The following ST8SIA2 variants were observed in gnomAD, a reference collection of about 807,000 sequenced individuals.
The protein encoded by ST8SIA2 is ST8 alpha-N-acetyl-neuraminide alpha-2,8-sialyltransferase 2, also known as alpha-2,8-sialyltransferase 8B.
A neutral mutation model predicts 37.6 loss-of-function variants in ST8SIA2; 22 were observed. That is an observed-to-expected ratio of 0.58 (90% CI 0.42 to 0.83). The LOEUF (loss-of-function observed/expected upper bound fraction) is 0.83. Among genes scored for constraint, ST8SIA2 ranks in the 40% least tolerant of loss-of-function variants. The probability of loss-of-function intolerance (pLI) is 0.00; values close to 1 mark genes in which losing one functional copy is unlikely to be tolerated. For synonymous variants in ST8SIA2, 205 were observed against 201.2 expected (o/e 1.02, Z -0.16); for missense variants, 382 against 484.7 (o/e 0.79, Z 1.99).
At chr15:92,420,171 C>G (rs903065383) in intron 1 of ST8SIA2, among the ~76,000 whole-genome samples, 4 of 152,134 alleles carry the variant, frequency 2.6e-5, no homozygotes, top group Admixed American at 6.5e-5. Context: ...AGCCAGAAGT[C>G]TGTATTTTAA....
intron 1 of ST8SIA2, among the ~76,000 whole-genome samples, chr15:92,395,357 C>A: frequency 6.6e-6 from 1 of 152,190 alleles, no homozygotes; most frequent in Non-Finnish European, 1.5e-5. Flanking sequence ...GCCACACTGT[C>A]AGTCCCTCAA....
chr15:92,419,898 G>A (rs897316392), intron 1 of ST8SIA2, among the ~76,000 whole-genome samples: 8 of 152,114 alleles, frequency 5.3e-5, no homozygotes, highest in South Asian at 4.2e-4. Context: ...ATAGAGTCTC[G>A]CTCTGTCGCC....
chr15:92,414,927 A>G (rs1167839321), intron 1 of ST8SIA2, among the ~76,000 whole-genome samples: 2 of 152,230 alleles, frequency 1.3e-5, no homozygotes, highest in African/African-American at 2.4e-5. Context: ...CCCCTAGCCA[A>G]TCAGGAAGTG....
chr15:92,401,746 C>T (rs1356256761), intron 1 of ST8SIA2, among the ~76,000 whole-genome samples: 2 of 151,540 alleles, frequency 1.3e-5, no homozygotes, highest in Admixed American at 6.6e-5. Context: ...TGAAGGAATG[C>T]GGAGGGACTC....
At chr15:92,431,961 G>A (rs2049718896) in intron 2 of ST8SIA2, among the ~76,000 whole-genome samples, 1 of 152,118 alleles carries the variant, frequency 6.6e-6, no homozygotes, top group African/African-American at 2.4e-5. Context: ...TCCCTTTCCA[G>A]CCTTTGCCAT....
chr15:92,437,674 C>T (rs1288707849), intron 3 of ST8SIA2, among the ~76,000 whole-genome samples: 1 of 152,070 alleles, frequency 6.6e-6, no homozygotes, highest in Non-Finnish European at 1.5e-5. Flanking sequence ...AGTGTCCATA[C>T]ACGTCACAGT....
chr15:92,451,926 T>A (rs548201125), intron 5 of ST8SIA2, among the ~76,000 whole-genome samples: 3 of 152,278 alleles, frequency 2.0e-5, no homozygotes, highest in African/African-American at 7.2e-5. Flanking sequence ...TAGAGAATCA[T>A]GTCAGGAAGG....
intron 1 of ST8SIA2, among the ~76,000 whole-genome samples, chr15:92,417,148 C>T (rs2049592892): frequency 6.6e-6 from 1 of 152,180 alleles, no homozygotes; most frequent in South Asian, 2.1e-4. Flanking sequence ...CAGAGGAGGA[C>T]ATCAAAACTG....
chr15:92,415,149 C>T (rs1309053091), intron 1 of ST8SIA2, among the ~76,000 whole-genome samples: 2 of 152,114 alleles, frequency 1.3e-5, no homozygotes, highest in African/African-American at 4.8e-5. Flanking sequence ...AGGAAGCAGC[C>T]TCATCAAGTG....
At chr15:92,460,031 G>A (rs911660096) in intron 5 of ST8SIA2, among the ~76,000 whole-genome samples, 5 of 152,118 alleles carry the variant, frequency 3.3e-5, no homozygotes, top group African/African-American at 9.7e-5. Flanking sequence ...ACAACACTGA[G>A]GCTGGGTGTT....
intron 1 of ST8SIA2, among the ~76,000 whole-genome samples, chr15:92,421,686 C>T (rs1397779699): frequency 6.6e-6 from 1 of 152,198 alleles, no homozygotes; most frequent in Non-Finnish European, 1.5e-5. Context: ...AGCTTACTCT[C>T]TTAACGTGCT....
intron 1 of ST8SIA2, chr15:92,422,251 T>G (rs1443837250): frequency 3.9e-5 from 6 of 152,154 alleles, no homozygotes. Flanking sequence ...GTTCAGGAAA[T>G]ATGACCTTGA....
chr15:92,429,171 A>G (rs555861561), intron 1 of ST8SIA2, among the ~76,000 whole-genome samples: 2 of 152,320 alleles, frequency 1.3e-5, no homozygotes, highest in South Asian at 4.1e-4. Flanking sequence ...AAAACTGAGA[A>G]AAGCACCCAG....
intron 1 of ST8SIA2, among the ~76,000 whole-genome samples, chr15:92,418,636 G>A (rs2049607220): frequency 1.3e-5 from 2 of 152,134 alleles, no homozygotes; most frequent in Non-Finnish European, 2.9e-5. Flanking sequence ...CATTTGGGAT[G>A]GTGGAGGCAT....
At chr15:92,411,089 G>A (rs1324611257) in intron 1 of ST8SIA2, among the ~76,000 whole-genome samples, 3 of 152,226 alleles carry the variant, frequency 2.0e-5, no homozygotes, top group Admixed American at 2.0e-4. Context: ...ATTCTTTGAG[G>A]GTTTCTTTGG....
At chr15:92,426,118 A>G (rs894157179) in intron 1 of ST8SIA2, among the ~76,000 whole-genome samples, 1 of 152,198 alleles carries the variant, frequency 6.6e-6, no homozygotes, top group Non-Finnish European at 1.5e-5. Flanking sequence ...CTTTGACTGT[A>G]TGAGGAGGAG....
chr15:92,406,199 C>A (rs1478302696), intron 1 of ST8SIA2, among the ~76,000 whole-genome samples: 2 of 152,190 alleles, frequency 1.3e-5, no homozygotes, highest in African/African-American at 4.8e-5. Flanking sequence ...GATGCCAAAG[C>A]CAGTTCTCAG....
In ST8SIA2 at chr15:92,438,591, G is replaced by T. The variant is rs762911640; in HGVS notation, c.529G>T (p.Ala177Ser). ...CAGCGGCTGTGGGCAGGAGATTGACGCCCACAGCTTCGTCATCAGGTAACA... is the reference window on the plus strand; with the variant it reads ...CAGCGGCTGTGGGCAGGAGATTGACTCCCACAGCTTCGTCATCAGGTAACA... ...LNSGCGQEID[A>S]HSFVIRCNLA... Residue 177 changes from alanine (A) to serine (S), a missense_variant, in exon 4 of 6, where the codon GCC becomes TCC. Coordinates refer to ENST00000268164, the MANE Select transcript of ST8SIA2 (RefSeq NM_006011.4). 8 of 1,608,710 alleles carry T rather than the reference G, an allele frequency of 5.0e-6. No individual in the cohort carries two copies. Among genetic ancestry groups the T allele is most frequent in the Non-Finnish European group, 6.8e-6 (8 of 1,176,756 alleles).
At chr15:92,455,334 C>T (rs887135966) in intron 5 of ST8SIA2, among the ~76,000 whole-genome samples, 3 of 152,076 alleles carry the variant, frequency 2.0e-5, no homozygotes, top group African/African-American at 7.2e-5. Context: ...TGGCTCCCGG[C>T]ATTTGTGTGT....
Sources: allele counts gnomAD v4.1 joint callset (sites outside exome capture counted in the v4.1 genomes callset), GRCh38; gene constraint gnomAD v4.1.1; transcripts MANE v1.5; gene names NCBI Gene and HGNC (gene_info 2026-07-23, HGNC 2026-07-21).